The following GRB10 variants were observed in gnomAD, a reference collection of about 807,000 sequenced individuals.
GRB10 encodes growth factor receptor-bound protein 10.
Under a neutral mutation model 80.9 loss-of-function variants are expected in GRB10, and 20 were observed. The ratio of observed to expected loss-of-function variants is 0.25; its 90% CI spans 0.17 to 0.36. GRB10 has a LOEUF of 0.36. Among genes scored for constraint, GRB10 ranks in the 10% least tolerant of loss-of-function variants. The probability of loss-of-function intolerance (pLI) is 1.00; values close to 1 mark genes in which losing one functional copy is unlikely to be tolerated. For missense variants in GRB10, 548 were observed against 747.7 expected (o/e 0.73, Z 3.12); for synonymous variants, 291 against 291.5 (o/e 1.00, Z 0.02).
chr7:50,742,681 T>C (rs544502126), intron 3 of GRB10, among the ~76,000 whole-genome samples: 1 of 149,382 alleles, frequency 6.7e-6, no homozygotes, highest in East Asian at 2.0e-4. Flanking sequence ...GGGAAGACTC[T>C]GCATGCCCAG....
At chr7:50,726,015 A>G (rs1320058838) in intron 4 of GRB10, 1 of 152,320 alleles carries the variant, frequency 6.6e-6, no homozygotes, top group Non-Finnish European at 1.5e-5. Context: ...CAACTTACCA[A>G]TATCTGCAAG....
At chr7:50,619,955 C>G (rs1426566693) in intron 8 of GRB10, among the ~76,000 whole-genome samples, 1 of 152,202 alleles carries the variant, frequency 6.6e-6, no homozygotes, top group Non-Finnish European at 1.5e-5. Flanking sequence ...TACGCACACG[C>G]CTCCTTCACA....
At chr7:50,594,220 A>G (rs4947408) in intron 18 of GRB10, among the ~76,000 whole-genome samples, 151,462 of 152,322 alleles carry the variant, frequency 0.99, 75,310 homozygotes, top group Middle Eastern at 1. Context: ...GCGGTGCAGG[A>G]AAAGCCACTG....
intron 5 of GRB10, among the ~76,000 whole-genome samples, chr7:50,686,479 T>A (rs551370702): frequency 6.6e-6 from 1 of 152,314 alleles, no homozygotes; most frequent in East Asian, 1.9e-4. Flanking sequence ...AAGATAATTA[T>A]TTTTGAGGTG....
At chr7:50,616,078 T>G in intron 11 of GRB10, 132 bp downstream of exon 11, 1 of 995,744 alleles carries the variant, frequency 1.0e-6, no homozygotes, top group Non-Finnish European at 1.5e-6. Flanking sequence ...CACAATTAGC[T>G]TATTAAGAAG....
At position 50,721,147 on chromosome 7, in the gene GRB10, T is replaced by G. The variant is rs148078955; in HGVS notation, c.51+11125A>C. 4.6e-5 allele frequency among the ~76,000 whole-genome samples: 7 copies of G among 152,380 alleles called. No homozygotes were observed. The East Asian group carries it at 1.2e-3, about 25-fold the overall frequency. On this transcript the variant is annotated intron_variant, in intron 4 of 18. Coordinates refer to ENST00000401949, the MANE Select transcript of GRB10 (RefSeq NM_001350814.2). ...TTTTAAACTTTCCTGGAGAATACAGTAGTCCCCCCCTTATCCTGGTTTTAC... is the reference window on the plus strand; with the variant it reads ...TTTTAAACTTTCCTGGAGAATACAGGAGTCCCCCCCTTATCCTGGTTTTAC...
intron 3 of GRB10, among the ~76,000 whole-genome samples, chr7:50,735,928 G>A (rs879817795): frequency 3.9e-5 from 6 of 152,160 alleles, no homozygotes; most frequent in Non-Finnish European, 7.4e-5. Context: ...GCTTCTCAAG[G>A]GACCTGAACA....
intron 3 of GRB10, among the ~76,000 whole-genome samples, chr7:50,739,061 C>G (rs1055338879): frequency 3.9e-5 from 6 of 152,092 alleles, no homozygotes; most frequent in African/African-American, 1.4e-4. Flanking sequence ...AAAAATCGTT[C>G]AAGCAGAGTC....
At chr7:50,680,799 G>GT (rs973961377) in intron 5 of GRB10, among the ~76,000 whole-genome samples, 4 of 151,940 alleles carry the variant, frequency 2.6e-5, no homozygotes, top group African/African-American at 7.3e-5. Context: ...TTCTTAGAAT[G>GT]TTTTTTTTCT....
chr7:50,601,994 G>A (rs572398117), intron 17 of GRB10, among the ~76,000 whole-genome samples: 91 of 152,328 alleles, frequency 6.0e-4, no homozygotes, highest in African/African-American at 1.8e-3. Context: ...GCGTCGAGAA[G>A]AGGTTTTGAC....
At chr7:50,787,902 C>T (rs566857436) in intron 1 of GRB10, among the ~76,000 whole-genome samples, 57 of 152,126 alleles carry the variant, frequency 3.7e-4, no homozygotes, top group Non-Finnish European at 5.9e-4. Flanking sequence ...AAAAGATGGG[C>T]GGGGGAGGTG....
chr7:50,642,447 A>G (rs2056432275), intron 7 of GRB10, among the ~76,000 whole-genome samples: 1 of 152,248 alleles, frequency 6.6e-6, no homozygotes, highest in Non-Finnish European at 1.5e-5. Flanking sequence ...ATGCACATAT[A>G]CACATGCTTC....
rs1440782936 is a variant in GRB10 at position 50,610,896 on chromosome 7, T to C, written c.1194+1845A>G. 2.0e-5 allele frequency among the ~76,000 whole-genome samples: 3 copies of C among 152,208 alleles called. 1 individual carries two copies. Among genetic ancestry groups the C allele is most frequent in the South Asian group, 4.1e-4 (2 of 4,832 alleles). ...CAAAGGAGAGACACCCAAGAAACAG[T>C]GGTTAAGAACCTGATACTTGGATTT... On this transcript the variant is annotated intron_variant, in intron 13 of 18. Coordinates refer to ENST00000401949, the MANE Select transcript of GRB10 (RefSeq NM_001350814.2).
rs112692257 is a variant in GRB10, at chr7:50,593,380, GA to G, written c.1639-283del. On this transcript the variant is annotated intron_variant, in intron 18 of 18. Coordinates refer to ENST00000401949, the MANE Select transcript of GRB10 (RefSeq NM_001350814.2). ...CTAAGGTGGTCAAGGGGAAGGGCTCGAAGTTGCCCCCAGTTCACCCAGCTCA... is the reference window on the plus strand; with the variant it reads ...CTAAGGTGGTCAAGGGGAAGGGCTCGAGTTGCCCCCAGTTCACCCAGCTCA... Among the ~76,000 whole-genome samples, 1,519 of 152,230 alleles carry G rather than the reference GA, an allele frequency of 1.0e-2. 18 individuals carry two copies. The highest frequency in any genetic ancestry group is 0.024 in the South Asian group (114 of 4,814).
intron 5 of GRB10, among the ~76,000 whole-genome samples, chr7:50,690,689 AAT>A (rs3040064): frequency 0.59 from 89,661 of 151,942 alleles, 30,319 homozygotes; most frequent in Middle Eastern, 0.84. Flanking sequence ...TGAACGAATG[AAT>A]GAAAGACACA....
At chr7:50,605,445 A>G (rs750900685) in intron 14 of GRB10, 39 bp from the exon 15 acceptor site, 1 of 1,508,584 alleles carries the variant, frequency 6.6e-7, no homozygotes, top group East Asian at 2.3e-5. Flanking sequence ...ATGCAGGGAA[A>G]TAAGGCAGAG....
upstream of GRB10, among the ~76,000 whole-genome samples, chr7:50,787,270 G>GGAA (rs1454277010): frequency 1.3e-5 from 2 of 150,508 alleles, no homozygotes; most frequent in Non-Finnish European, 3.0e-5. Context: ...CTGGAGAGCA[G>GGAA]GAGGAGGAGG....
chr7:50,775,435 T>G (rs2077521099), intron 2 of GRB10, among the ~76,000 whole-genome samples: 1 of 152,152 alleles, frequency 6.6e-6, no homozygotes, highest in Non-Finnish European at 1.5e-5. Context: ...TCTCACAGGT[T>G]GCAGTTGGGT....
At chr7:50,612,618 A>C (rs936829789) in intron 13 of GRB10, 123 bp downstream of exon 13, 1 of 725,112 alleles carries the variant, frequency 1.4e-6, no homozygotes, top group Non-Finnish European at 2.5e-6. Context: ...TTGATAAATA[A>C]AATATTGTGA....
Sources: gnomAD v4.1 joint callset for allele counts (sites outside exome capture counted in the v4.1 genomes callset) on GRCh38, gnomAD v4.1.1 for gene constraint, MANE v1.5 for transcripts, NCBI Gene and HGNC (gene_info 2026-07-23, HGNC 2026-07-21) for gene names.